BRCA1: variants seen among roughly 807,000 people sequenced by gnomAD.
BRCA1 encodes breast cancer type 1 susceptibility protein.
In BRCA1, 140 loss-of-function variants were observed where a neutral mutation model predicts 173.7. The observed-to-expected ratio is 0.81, with a 90% CI of 0.70 to 0.93. The LOEUF (loss-of-function observed/expected upper bound fraction) is 0.93. Among genes scored for constraint, BRCA1 ranks in the 40% least tolerant of loss-of-function variants. The pLI is 0.00. For synonymous variants in BRCA1, 662 were observed against 756.0 expected (o/e 0.88, Z 2.04); for missense variants, 1,983 against 2,172.5 (o/e 0.91, Z 1.73).
rs80357150 is a variant in BRCA1 at position 43,106,528 on chromosome 17, C to T, written c.140G>A (p.Cys47Tyr). Residue 47 changes from cysteine (C) to tyrosine (Y), a missense_variant, in exon 4 of 23, where the codon TGC becomes TAC. Physicochemically the swap from Cys to Tyr is radical, Grantham distance 194 (BLOSUM62 -2). Transcript: ENST00000357654. The stretch of plus-strand genomic sequence containing the variant: ...CTTCTGGTTGAGAAGTTTCAGCATG[C>T]AAAATCTATAAATTATAAAGAAAGA... ...TKCDHIFCKF[C>Y]MLKLLNQKKG... is the part of the protein sequence containing the mutation. 4 of 1,590,448 alleles carry T rather than the reference C, an allele frequency of 2.5e-6. No individual in the cohort carries two copies. Among genetic ancestry groups the T allele is most frequent in the Non-Finnish European group, 3.4e-6 (4 of 1,159,922 alleles).
In BRCA1 at chr17:43,090,990, TCA is replaced by T. The variant is rs886040209; in HGVS notation, c.4137_4138del (p.Glu1380ArgfsTer10). On this transcript the variant is annotated frameshift_variant, in exon 11 of 23. Transcript: ENST00000357654. LOFTEE classifies it high-confidence loss of function. Reference sequence around the variant, plus strand: ...CTGAGAGGATAGCCCTGAGCAGTCTTCAGAGACGCTTGTTTCACTCTCACACC... The same window carrying T: ...CTGAGAGGATAGCCCTGAGCAGTCTTGAGACGCTTGTTTCACTCTCACACC... 6.2e-7 allele frequency: 1 copy of T among 1,612,988 alleles called. No individual in the cohort carries two copies.
chr17:43,156,441 A>G (rs1216768040), intron 1 of BRCA1, among the ~76,000 whole-genome samples: 1 of 152,100 alleles, frequency 6.6e-6, no homozygotes, highest in Non-Finnish European at 1.5e-5. Flanking sequence ...TAACCACTTT[A>G]CCTGAACCTC....
At position 43,045,288 on chromosome 17, in the gene BRCA1, CTTAGGGAAACCAGCTA is replaced by C. The variant is rs1360064130; in HGVS notation, c.*374_*389del. 1 of 548,332 alleles carries C rather than the reference CTTAGGGAAACCAGCTA, an allele frequency of 1.8e-6. No homozygotes were observed. Among genetic ancestry groups the C allele is most frequent in the Non-Finnish European group, 3.5e-6 (1 of 286,310 alleles). 34.0% of individuals were successfully genotyped at this position (548,332 alleles called of 1,614,324 possible). A position where few individuals can be genotyped will look rare whatever the true frequency, so the allele number is the denominator to read the frequency against. ...GAACACAGGGTTTTAGAGAAGTAAA[CTTAGGGAAACCAGCTA>C]TTCTCTTGAGGCCAAGCCACTCTGT... On this transcript the variant is annotated 3_prime_UTR_variant, in exon 23 of 23. Coordinates refer to ENST00000357654, the MANE Select transcript of BRCA1 (RefSeq NM_007294.4).
intron 9 of BRCA1, among the ~76,000 whole-genome samples, chr17:43,095,295 G>A (rs978625538): frequency 6.6e-6 from 1 of 152,160 alleles, no homozygotes; most frequent in Non-Finnish European, 1.5e-5. Flanking sequence ...TAAAAGTAAA[G>A]GGCAGGCCAG....
chr17:43,117,052 C>T (rs2055327950), intron 2 of BRCA1, among the ~76,000 whole-genome samples: 1 of 152,156 alleles, frequency 6.6e-6, no homozygotes, highest in African/African-American at 2.4e-5. Flanking sequence ...GTACTGTGTA[C>T]TCTTATTAGA....
At chr17:43,103,422 G>A (rs1047742987) in intron 6 of BRCA1, among the ~76,000 whole-genome samples, 4 of 150,740 alleles carry the variant, frequency 2.7e-5, no homozygotes, top group South Asian at 2.1e-4. Context: ...AGCTGACATC[G>A]TGTCACTGCG....
upstream of BRCA1, among the ~76,000 whole-genome samples, chr17:43,129,130 C>T (rs561750725): frequency 3.3e-5 from 5 of 152,314 alleles, no homozygotes; most frequent in Admixed American, 1.3e-4. Flanking sequence ...ATGGACTTAA[C>T]AATAATGTCA....
intron 3 of BRCA1, chr17:43,110,458 C>CT: frequency 2.9e-6 from 1 of 348,480 alleles, no homozygotes; most frequent in Non-Finnish European, 5.7e-6. Flanking sequence ...TGGTGGTGTG[C>CT]ACTTACAGTC....
intron 11 of BRCA1, among the ~76,000 whole-genome samples, chr17:43,088,311 T>C (rs1753154473): frequency 6.6e-6 from 1 of 152,084 alleles, no homozygotes; most frequent in African/African-American, 2.4e-5. Context: ...AACTCCCCAT[T>C]TCCCCCTCCC....
rs1193110092 is a variant in BRCA1, at chr17:43,119,478, C to T, written c.81-3699G>A. 2.0e-5 allele frequency among the ~76,000 whole-genome samples: 3 copies of T among 152,178 alleles called. No homozygotes were observed. The East Asian group carries it at 5.8e-4, about 29-fold the overall frequency. ...GAGCCACCTTGGGCTAACCACTCTA[C>T]CTGAACCTGTTTCCTTCTCTTGCCA... On this transcript the variant is annotated intron_variant, in intron 2 of 22. Transcript: ENST00000357654.
intron 19 of BRCA1, among the ~76,000 whole-genome samples, chr17:43,054,214 G>A (rs1388968073): frequency 3.3e-5 from 5 of 152,160 alleles, no homozygotes; most frequent in African/African-American, 1.2e-4. Context: ...TGGCTCACAT[G>A]GCGCTCCCCT....
intron 20 of BRCA1, 85 bp downstream of exon 20, chr17:43,050,978 C>A: frequency 7.5e-7 from 1 of 1,331,624 alleles, no homozygotes; most frequent in Non-Finnish European, 1.1e-6. Context: ...TCTGAGGAAC[C>A]CCCATCGTGG....
chr17:43,144,463 A>G (rs939039101), intron 1 of BRCA1, among the ~76,000 whole-genome samples: 1 of 152,096 alleles, frequency 6.6e-6, no homozygotes, highest in African/African-American at 2.4e-5. Flanking sequence ...ACCAAGAACA[A>G]CGATATTTAA....
chr17:43,067,514 A>T, intron 16 of BRCA1, 94 bp downstream of exon 16: 1 of 1,048,400 alleles, frequency 9.5e-7, no homozygotes, highest in Non-Finnish European at 1.5e-6. Flanking sequence ...TCGGCCTCCC[A>T]AAGTGCTGCG....
At chr17:43,067,245 AT>A in intron 16 of BRCA1, 1 of 231,594 alleles carries the variant, frequency 4.3e-6, no homozygotes, top group Non-Finnish European at 8.3e-6. Context: ...AAATATTCTT[AT>A]TTTTTCACGT....
intron 21 of BRCA1, among the ~76,000 whole-genome samples, chr17:43,048,187 C>T (rs2051017979): frequency 6.6e-6 from 1 of 151,996 alleles, no homozygotes; most frequent in African/African-American, 2.4e-5. Context: ...GGGCACTGGC[C>T]CAGCCCATCA....
intron 1 of BRCA1, among the ~76,000 whole-genome samples, chr17:43,154,569 TAAA>T (rs1396485009): frequency 6.6e-6 from 1 of 151,916 alleles, no homozygotes; most frequent in East Asian, 1.9e-4. Flanking sequence ...GCTTAAAAAA[TAAA>T]AACTTTAGAA....
Position 43,156,249 on chromosome 17 carries a change from A to G in BRCA1, c.-20+13877T>C, listed in dbSNP as rs2056196576. ...GAGACTCCATCTCAAAAAAAGAAAA[A>G]AAAAAAGAATCATAAGAAAAGCTCG... On this transcript the variant is annotated intron_variant, in intron 1 of 7. Transcript: ENST00000634433. Among the ~76,000 whole-genome samples, 3 of 152,232 alleles carry G rather than the reference A, an allele frequency of 2.0e-5. No individual in the cohort carries two copies. The East Asian group carries it at 5.8e-4, about 29-fold the overall frequency.
chr17:43,123,409 G>T (rs2055681598), intron 2 of BRCA1, among the ~76,000 whole-genome samples: 1 of 137,472 alleles, frequency 7.3e-6, no homozygotes. Flanking sequence ...GGAGTTCAGT[G>T]GTGCCATATT....
Sources: allele counts gnomAD v4.1 joint callset (sites outside exome capture counted in the v4.1 genomes callset), GRCh38; gene constraint gnomAD v4.1.1; transcripts MANE v1.5; gene names NCBI Gene and HGNC (gene_info 2026-07-23, HGNC 2026-07-21).